Variants in OSBP2 observed in about 807,000 individuals in gnomAD.
OSBP2 encodes oxysterol-binding protein 2.
A neutral mutation model predicts 96.0 loss-of-function variants in OSBP2; 66 were observed. The ratio of observed to expected loss-of-function variants is 0.69; its 90% CI spans 0.56 to 0.84. OSBP2 has a LOEUF of 0.84. Ranked by LOEUF, OSBP2 falls within the 40% of genes least tolerant of loss-of-function variation. The probability of loss-of-function intolerance (pLI) is 0.00; values close to 1 mark genes in which losing one functional copy is unlikely to be tolerated. For missense variants in OSBP2, 1,038 were observed against 1,222.7 expected (o/e 0.85, Z 2.25); for synonymous variants, 525 against 520.9 (o/e 1.01, Z -0.11).
At chr22:30,855,259 G>T (rs2039057937) in intron 2 of OSBP2, among the ~76,000 whole-genome samples, 1 of 152,124 alleles carries the variant, frequency 6.6e-6, no homozygotes, top group African/African-American at 2.4e-5. Flanking sequence ...TTTTCTTTCA[G>T]CAGAGTGAAG....
intron 2 of OSBP2, among the ~76,000 whole-genome samples, chr22:30,847,903 T>C (rs981550315): frequency 6.6e-6 from 1 of 152,206 alleles, no homozygotes; most frequent in Non-Finnish European, 1.5e-5. Flanking sequence ...ATAGATTTTA[T>C]TGATATTTTC....
intron 1 of OSBP2, among the ~76,000 whole-genome samples, chr22:30,719,763 A>AT (rs1330319949): frequency 1.3e-5 from 2 of 151,198 alleles, no homozygotes; most frequent in Non-Finnish European, 2.9e-5. Flanking sequence ...CAAAAAAAAA[A>AT]GAAAAAAAAA....
At chr22:30,717,093 TG>T (rs1569094592) in intron 1 of OSBP2, among the ~76,000 whole-genome samples, 24,387 of 107,640 alleles carry the variant, frequency 0.23, 3,192 homozygotes, top group Non-Finnish European at 0.28. Flanking sequence ...ACTGTTTTTG[TG>T]TGTGTGTGTG....
chr22:30,754,545 T>G (rs113832935), intron 2 of OSBP2, among the ~76,000 whole-genome samples: 72 of 152,272 alleles, frequency 4.7e-4, no homozygotes, highest in African/African-American at 1.7e-3. Flanking sequence ...GAGCTGTACC[T>G]GGGGTGGAGT....
chr22:30,832,434 G>A (rs1354699836), intron 2 of OSBP2, among the ~76,000 whole-genome samples: 2 of 151,896 alleles, frequency 1.3e-5, no homozygotes, highest in Admixed American at 6.6e-5. Flanking sequence ...GGGACTACAG[G>A]CATGTGCCAC....
At chr22:30,904,064 A>G (rs1325614431) in intron 12 of OSBP2, among the ~76,000 whole-genome samples, 1 of 152,178 alleles carries the variant, frequency 6.6e-6, no homozygotes, top group East Asian at 1.9e-4. Context: ...CCGCGTGTGA[A>G]CAGATGAAAA....
intron 2 of OSBP2, among the ~76,000 whole-genome samples, chr22:30,828,979 G>A (rs561598123): frequency 2.0e-5 from 3 of 152,124 alleles, no homozygotes; most frequent in South Asian, 2.1e-4. Flanking sequence ...GGAGACCCTC[G>A]TGGGCCAAGC....
intron 1 of OSBP2, among the ~76,000 whole-genome samples, chr22:30,720,970 A>ACAC (rs2089539972): frequency 6.6e-6 from 1 of 152,140 alleles, no homozygotes; most frequent in African/African-American, 2.4e-5. Context: ...CACGCCTGTA[A>ACAC]TCCCAACACT....
At chr22:30,812,327 G>A (rs556898656) in intron 2 of OSBP2, among the ~76,000 whole-genome samples, 19 of 152,122 alleles carry the variant, frequency 1.2e-4, no homozygotes, top group Admixed American at 1.1e-3. Context: ...CACCATGCCT[G>A]GCTAATTTTT....
intron 2 of OSBP2, among the ~76,000 whole-genome samples, chr22:30,858,302 G>GCGCCCGCCACCA: frequency 6.7e-6 from 1 of 149,828 alleles, no homozygotes; most frequent in South Asian, 2.2e-4. Context: ...GCCCGCCACC[G>GCGCCCGCCACCA]CGCCCGGCTA....
At chr22:30,777,891 G>A (rs1356424936) in intron 2 of OSBP2, among the ~76,000 whole-genome samples, 5 of 152,162 alleles carry the variant, frequency 3.3e-5, no homozygotes, top group Non-Finnish European at 5.9e-5. Context: ...TTTTGGAGGA[G>A]AGGGAGGAAG....
chr22:30,694,229 C>G (rs1308675032), upstream of OSBP2: 1 of 1,549,938 alleles, frequency 6.5e-7, no homozygotes. Flanking sequence ...GATGTCGTCA[C>G]TGGCAGCGAA....
At chr22:30,813,465 C>T (rs2091039086) in intron 2 of OSBP2, among the ~76,000 whole-genome samples, 1 of 151,948 alleles carries the variant, frequency 6.6e-6, no homozygotes, top group African/African-American at 2.4e-5. Context: ...TGAGCCACTG[C>T]GCCCAGCCAC....
At chr22:30,708,431 GATATTTTACCTGTGA>G (rs2089290493) in intron 1 of OSBP2, among the ~76,000 whole-genome samples, 1 of 139,540 alleles carries the variant, frequency 7.2e-6, no homozygotes. Context: ...TTCTAAATAT[GATATTTTACCTGTGA>G]CTATTTCAGT....
intron 2 of OSBP2, among the ~76,000 whole-genome samples, chr22:30,856,029 A>T (rs556147072): frequency 6.6e-6 from 1 of 152,292 alleles, no homozygotes; most frequent in Non-Finnish European, 1.5e-5. Context: ...GGGACCTGGC[A>T]TTGGTTGGGC....
At chr22:30,846,173 G>T (rs986129957) in intron 2 of OSBP2, among the ~76,000 whole-genome samples, 2 of 151,840 alleles carry the variant, frequency 1.3e-5, no homozygotes, top group East Asian at 1.9e-4. Context: ...TTGAGACAGG[G>T]TCTCAACTCT....
chr22:30,834,855 G>A (rs571868503), intron 2 of OSBP2, among the ~76,000 whole-genome samples: 10 of 148,870 alleles, frequency 6.7e-5, no homozygotes, highest in African/African-American at 1.7e-4. Flanking sequence ...TCGCTTGGTC[G>A]CCCAGGCTGG....
intron 1 of OSBP2, among the ~76,000 whole-genome samples, chr22:30,714,435 C>T (rs933169079): frequency 6.6e-6 from 1 of 151,272 alleles, no homozygotes; most frequent in African/African-American, 2.4e-5. Flanking sequence ...TAGTAAAAAA[C>T]ACATAACGTA....
chr22:30,794,914 C>CT (rs74541007), intron 2 of OSBP2, among the ~76,000 whole-genome samples: 42,496 of 143,330 alleles, frequency 0.3, 7,205 homozygotes, highest in African/African-American at 0.48. Context: ...TATATAACTA[C>CT]TTTTTTTTTT....
Sources: gnomAD v4.1 joint callset for allele counts (sites outside exome capture counted in the v4.1 genomes callset) on GRCh38, gnomAD v4.1.1 for gene constraint, MANE v1.5 for transcripts, NCBI Gene and HGNC (gene_info 2026-07-23, HGNC 2026-07-21) for gene names.